Variants in CHML observed in about 807,000 individuals in gnomAD.
CHML encodes the protein CHM like Rab escort protein.
A neutral mutation model predicts 30.4 loss-of-function variants in CHML; 20 were observed. The ratio of observed to expected loss-of-function variants is 0.66; its 90% confidence interval spans 0.46 to 0.95. The LOEUF is 0.95. CHML is among the 40% of genes least tolerant of loss of function. The pLI is 0.00. For synonymous variants in CHML, 281 were observed against 275.0 expected (o/e 1.02, Z -0.22); for missense variants, 795 against 768.5 (o/e 1.03, Z -0.41).
chr1:241,638,099 C>G (rs581508), intron 1 of CHML, among the ~76,000 whole-genome samples: 55,225 of 151,734 alleles, frequency 0.36, 10,334 homozygotes, highest in East Asian at 0.53. Context: ...CCCCCCAGGG[C>G]TTAAGTCTCG....
Position 241,635,444 on chromosome 1 carries a change from T to C in CHML, c.323A>G (p.Asp108Gly). 1 of 1,613,926 alleles carries C rather than the reference T, an allele frequency of 6.2e-7. No individual in the cohort carries two copies. Among genetic ancestry groups the C allele is most frequent in the Non-Finnish European group, 8.5e-7 (1 of 1,179,948 alleles). ...AATCTCTTCAACGTTGTCCTCCATA[T>C]CCTGACTGGCGTAGCAAAAAGCTTC... ...HTEAFCYASQDMEDNVEEIGA... is the reference protein window; with the variant it reads ...HTEAFCYASQGMEDNVEEIGA... Residue 108 changes from aspartate to glycine, a missense_variant, in exon 2 of 2, where the codon GAT becomes GGT. Asp to Gly is a moderately conservative substitution (Grantham distance 94). Coordinates refer to ENST00000366553, the MANE Select transcript of CHML (RefSeq NM_001381853.1).
At position 241,631,941 on chromosome 1, in the gene CHML, T is replaced by C. The variant is rs888180995; in HGVS notation, c.*1855A>G. On this transcript the variant is annotated 3_prime_UTR_variant, in exon 2 of 2. Transcript: ENST00000366553. ...AGAATCACAAAAGGCTGGGTCCCCA[T>C]GTTGGCTCTTCCACATACCAGATTC... 3.3e-5 allele frequency: 5 copies of C among 152,310 alleles called. No homozygotes were observed. The highest frequency in any genetic ancestry group is 2.1e-4 in the South Asian group (1 of 4,824). The allele number at this position is 152,310 out of a possible 1,614,324, so 9.4% of individuals were successfully genotyped here. A position where few individuals can be genotyped will look rare whatever the true frequency, so the allele number is the denominator to read the frequency against.
At position 241,635,226 on chromosome 1, in the gene CHML, A is replaced by C. The variant is rs780809526; in HGVS notation, c.541T>G (p.Tyr181Asp). ...TGCATACAAGTTTTATCTCCACAATACTTTTCCTTCTCCACTGATTCCTCT... is the reference window on the plus strand; with the variant it reads ...TGCATACAAGTTTTATCTCCACAATCCTTTTCCTTCTCCACTGATTCCTCT... ...DVEESVEKEK[Y>D]CGDKTCMHTV... Residue 181 changes from tyrosine to aspartate, a missense_variant, in exon 2 of 2, where the codon TAT becomes GAT. Physicochemically the swap from Tyr to Asp is radical, Grantham distance 160 (BLOSUM62 -3). Transcript: ENST00000366553. The C allele has an allele frequency of 1.9e-6, 3 of 1,613,528 alleles. No homozygotes were observed. Among genetic ancestry groups the C allele is most frequent in the Admixed American group, 1.7e-5 (1 of 60,010 alleles).
rs377486221 is a variant in CHML, at chr1:241,634,985, T to G, written c.782A>C (p.Asn261Thr). The change falls in exon 2 of 2, where the codon AAT becomes ACT. Residue 261 changes from asparagine to threonine, a missense_variant. By Grantham distance (65) the Asn-to-Thr change is moderately conservative. Coordinates refer to ENST00000366553, the MANE Select transcript of CHML (RefSeq NM_001381853.1). The part of the protein sequence containing the change: ...SDVSRYVEFK[N>T]VTRILAFREG... ...CCGAAATGCAAGAATCCTAGTGACATTTTTAAATTCTACATAACGACTAAC... is the reference window on the plus strand; with the variant it reads ...CCGAAATGCAAGAATCCTAGTGACAGTTTTAAATTCTACATAACGACTAAC... 13 of 1,613,672 alleles carry G rather than the reference T, an allele frequency of 8.1e-6. No individual in the cohort carries two copies. Among genetic ancestry groups the G allele is most frequent in the Non-Finnish European group, 1.0e-5 (12 of 1,179,830 alleles).
In CHML at chr1:241,631,162, G is replaced by A. The variant is rs964569195; in HGVS notation, c.*2634C>T. 1 of 151,988 alleles carries A rather than the reference G, an allele frequency of 6.6e-6. No homozygotes were observed. Among genetic ancestry groups the A allele is most frequent in the Non-Finnish European group, 1.5e-5 (1 of 67,936 alleles). 9.4% of individuals were successfully genotyped at this position (151,988 alleles called of 1,614,324 possible). On this transcript the variant is annotated 3_prime_UTR_variant, in exon 2 of 2. Coordinates refer to ENST00000366553, the MANE Select transcript of CHML (RefSeq NM_001381853.1). ...TACAATATCCCCTAAATTTTTAAATGCTTTTTATTGGTATAACTTCTCATT... is the reference window on the plus strand; with the variant it reads ...TACAATATCCCCTAAATTTTTAAATACTTTTTATTGGTATAACTTCTCATT...
rs745981809 is a variant in CHML, at chr1:241,635,732, A to C, written c.35T>G (p.Val12Gly). 2.5e-6 allele frequency: 4 copies of C among 1,613,302 alleles called. No individual in the cohort carries two copies. Among genetic ancestry groups the C allele is most frequent in the Non-Finnish European group, 3.4e-6 (4 of 1,179,602 alleles). ...ADNLPTEFDVVIIGTGLPESI... is the reference protein window; with the variant it reads ...ADNLPTEFDVGIIGTGLPESI... ...TTCGGGCAAACCTGTCCCTATTATA[A>C]CCACATCAAACTCTGTGGGAAGATT... Residue 12 changes from valine (V) to glycine (G), a missense_variant, in exon 2 of 2, where the codon GTT becomes GGT. By Grantham distance (109) the Val-to-Gly change is moderately radical. Coordinates refer to ENST00000366553, the MANE Select transcript of CHML (RefSeq NM_001381853.1).
intron 1 of CHML, 125 bp from the exon 2 acceptor site, chr1:241,636,198 G>A: frequency 5.0e-6 from 2 of 396,888 alleles, no homozygotes; most frequent in East Asian, 3.6e-5. Context: ...ACTAAAGCAT[G>A]TCTTAAATGC....
At position 241,635,587 on chromosome 1, in the gene CHML, C is replaced by T. The variant is rs777799166; in HGVS notation, c.180G>A (p.Lys60=). The change falls in exon 2 of 2, where the codon AAG becomes AAA. Residue 60 remains lysine (K), a synonymous_variant. Transcript: ENST00000366553. ...CAATGTCATTGTTTTGCTGATACTC[C>T]TTCAACCAGGATAGCAATCCTGAAA... ...FSFSGLLSWL[K]EYQQNNDIGE... The T allele has an allele frequency of 2.5e-6, 4 of 1,614,124 alleles. No individual in the cohort carries two copies. In the Admixed American group the frequency reaches 6.7e-5, roughly 27 times the overall value.
In CHML at chr1:241,630,863, C is replaced by T. The variant is rs1342454565; in HGVS notation, c.*2933G>A. On this transcript the variant is annotated 3_prime_UTR_variant, in exon 2 of 2. Transcript: ENST00000366553. Reference sequence around the variant, plus strand: ...TGTTCTTTTGATGCTGATTTAATGGCTGTTCTGCTTAACACCAGCCTTATA... The same window carrying T: ...TGTTCTTTTGATGCTGATTTAATGGTTGTTCTGCTTAACACCAGCCTTATA... 6.6e-6 allele frequency: 1 copy of T among 152,060 alleles called. No individual in the cohort carries two copies. Among genetic ancestry groups the T allele is most frequent in the Non-Finnish European group, 1.5e-5 (1 of 67,940 alleles). The allele number at this position is 152,060 out of a possible 1,614,324, so 9.4% of individuals were successfully genotyped here.
rs1664576773 is a variant in CHML at position 241,630,240 on chromosome 1, C to T, written c.*3556G>A. ...TAATTCTGGTTTTCAAAAAAACTCC[C>T]CATCTCCCCATGTACTACTTTTCCA... is the stretch of plus-strand genomic sequence containing the variant. On this transcript the variant is annotated 3_prime_UTR_variant, in exon 2 of 2. Transcript: ENST00000366553. 6.6e-6 allele frequency: 1 copy of T among 151,974 alleles called. No individual in the cohort carries two copies. Among genetic ancestry groups the T allele is most frequent in the South Asian group, 2.1e-4 (1 of 4,822 alleles). The allele number at this position is 151,974 out of a possible 1,614,324, so 9.4% of individuals were successfully genotyped here. A position where few individuals can be genotyped will look rare whatever the true frequency, so the allele number is the denominator to read the frequency against.
Position 241,631,496 on chromosome 1 carries a change from T to A in CHML, c.*2300A>T, listed in dbSNP as rs1267934592. On this transcript the variant is annotated 3_prime_UTR_variant, in exon 2 of 2. Transcript: ENST00000366553. Reference sequence around the variant, plus strand: ...TAAACTTTAGGATAAAGTTTAAATATGACTTTTACTATATTTTTAAAAGTC... The same window carrying A: ...TAAACTTTAGGATAAAGTTTAAATAAGACTTTTACTATATTTTTAAAAGTC... The A allele has an allele frequency of 6.6e-6, 1 of 152,186 alleles. No individual in the cohort carries two copies. The highest frequency in any genetic ancestry group is 2.4e-5 in the African/African-American group (1 of 41,466). 9.4% of individuals were successfully genotyped at this position (152,186 alleles called of 1,614,324 possible).
chr1:241,638,504 A>C (rs1345140136), intron 1 of CHML, among the ~76,000 whole-genome samples: 1 of 152,228 alleles, frequency 6.6e-6, no homozygotes, highest in Admixed American at 6.5e-5. Context: ...AACACTACTG[A>C]TGATACTTTA....
At position 241,631,926 on chromosome 1, in the gene CHML, A is replaced by T. The variant is rs1302069760; in HGVS notation, c.*1870T>A. 1 of 152,112 alleles carries T rather than the reference A, an allele frequency of 6.6e-6. No homozygotes were observed. Among genetic ancestry groups the T allele is most frequent in the Non-Finnish European group, 1.5e-5 (1 of 68,002 alleles). The allele number at this position is 152,112 out of a possible 1,614,324, so 9.4% of individuals were successfully genotyped here. A position where few individuals can be genotyped will look rare whatever the true frequency, so the allele number is the denominator to read the frequency against. ...AAGATCAAAGGTTTTAGAATCACAA[A>T]AGGCTGGGTCCCCATGTTGGCTCTT... On this transcript the variant is annotated 3_prime_UTR_variant, in exon 2 of 2. Coordinates refer to ENST00000366553, the MANE Select transcript of CHML (RefSeq NM_001381853.1).
rs1664644120 is a variant in CHML, at chr1:241,631,816, C to T, written c.*1980G>A. ...CTGCAGGACCAGTGTGTGCTTTTTA[C>T]CCCCGGCAATGCTAGACTAATTTTC... On this transcript the variant is annotated 3_prime_UTR_variant, in exon 2 of 2. Coordinates refer to ENST00000366553, the MANE Select transcript of CHML (RefSeq NM_001381853.1). The T allele has an allele frequency of 6.6e-6, 1 of 152,096 alleles. No individual in the cohort carries two copies. Among genetic ancestry groups the T allele is most frequent in the African/African-American group, 2.4e-5 (1 of 41,418 alleles). The allele number at this position is 152,096 out of a possible 1,614,324, so 9.4% of individuals were successfully genotyped here.
Position 241,639,769 on chromosome 1 carries a change from G to A in CHML, c.-308+113C>T, listed in dbSNP as rs554985334. The A allele has an allele frequency of 1.5e-5, 17 of 1,105,060 alleles. No individual in the cohort carries two copies. In the African/African-American group the frequency reaches 2.6e-4, roughly 17 times the overall value. 68.5% of individuals were successfully genotyped at this position (1,105,060 alleles called of 1,614,324 possible). A position where few individuals can be genotyped will look rare whatever the true frequency, so the allele number is the denominator to read the frequency against. ...GGGCGGTGTAGGGCGGGGGGCGCGG[G>A]GCCGAGCGGGAAGCGGTGCGGGGCG... On this transcript the variant is annotated intron_variant, in intron 1 of 1. Transcript: ENST00000366553.
rs140810282 is a variant in CHML at position 241,634,533 on chromosome 1, C to T, written c.1234G>A (p.Asp412Asn). The change falls in exon 2 of 2, where the codon GAC (aspartate) becomes AAC (asparagine). Residue 412 changes from aspartate (D) to asparagine (N), a missense_variant. Transcript: ENST00000366553. ...LRHKVQCFVV[D>N]KESGRCKAII... The stretch of plus-strand genomic sequence containing the variant: ...GCTTTACATCGTCCAGATTCTTTGT[C>T]GACTACAAAGCATTGTACTTTATGA... 4.7e-5 allele frequency: 76 copies of T among 1,613,856 alleles called. 1 individual carries two copies. In the African/African-American group the frequency reaches 6.3e-4, roughly 13 times the overall value.
At position 241,640,196 on chromosome 1, in the gene CHML, C is replaced by A. The variant is rs538845600; in HGVS notation, c.-622G>T. ...CCCCGCCGGCGCCGGCCCCTCAGCG[C>A]CCGCGGCCCCGCCGCCGTCCCAGTA... is the stretch of plus-strand genomic sequence containing the variant. On this transcript the variant is annotated 5_prime_UTR_variant, in exon 1 of 2. Coordinates refer to ENST00000366553, the MANE Select transcript of CHML (RefSeq NM_001381853.1). 3.9e-5 allele frequency: 54 copies of A among 1,370,132 alleles called. 2 individuals are homozygous for A. In the South Asian group the frequency reaches 7.6e-4, roughly 19 times the overall value. The allele number at this position is 1,370,132 out of a possible 1,614,324, so 84.9% of individuals were successfully genotyped here. A position where few individuals can be genotyped will look rare whatever the true frequency, so the allele number is the denominator to read the frequency against.
In CHML at chr1:241,632,934, G is replaced by A. The variant is rs1423892841; in HGVS notation, c.*862C>T. The A allele has an allele frequency of 6.6e-6, 1 of 152,052 alleles. No homozygotes were observed. The highest frequency in any genetic ancestry group is 1.5e-5 in the Non-Finnish European group (1 of 67,978). 9.4% of individuals were successfully genotyped at this position (152,052 alleles called of 1,614,324 possible). A position where few individuals can be genotyped will look rare whatever the true frequency, so the allele number is the denominator to read the frequency against. On this transcript the variant is annotated 3_prime_UTR_variant, in exon 2 of 2. Transcript: ENST00000366553. ...GGAATTTCAGAACAGCCCTTCTGAA[G>A]TATCTTCTCCTGGGGCACTTCATTT...
Position 241,631,842 on chromosome 1 carries a change from G to A in CHML, c.*1954C>T, listed in dbSNP as rs928884530. 4 of 152,042 alleles carry A rather than the reference G, an allele frequency of 2.6e-5. No homozygotes were observed. The highest frequency in any genetic ancestry group is 5.9e-5 in the Non-Finnish European group (4 of 67,996). 9.4% of individuals were successfully genotyped at this position (152,042 alleles called of 1,614,324 possible). A position where few individuals can be genotyped will look rare whatever the true frequency, so the allele number is the denominator to read the frequency against. On this transcript the variant is annotated 3_prime_UTR_variant, in exon 2 of 2. Transcript: ENST00000366553. The stretch of plus-strand genomic sequence containing the variant: ...CCCCGGCAATGCTAGACTAATTTTC[G>A]TGGGCACTTTCTCTTTCTCCTGCAG...
Sources: allele counts gnomAD v4.1 joint callset (sites outside exome capture counted in the v4.1 genomes callset), GRCh38; gene constraint gnomAD v4.1.1; transcripts MANE v1.5; gene names NCBI Gene and HGNC (gene_info 2026-07-23, HGNC 2026-07-21).